The following PPP6C variants were observed in gnomAD, a reference collection of about 807,000 sequenced individuals.
The protein encoded by PPP6C is protein phosphatase 6 catalytic subunit.
PPP6C carries 11 observed loss-of-function variants against 39.8 expected under a neutral mutation model. The ratio of observed to expected loss-of-function variants is 0.28; its 90% confidence interval spans 0.17 to 0.46. The LOEUF (loss-of-function observed/expected upper bound fraction) is 0.46. PPP6C is among the 20% of genes least tolerant of loss of function. PPP6C has a pLI of 1.00. For missense variants in PPP6C, 211 were observed against 373.9 expected (o/e 0.56, Z 3.59); for synonymous variants, 129 against 130.3 (o/e 0.99, Z 0.07).
intron 1 of PPP6C, among the ~76,000 whole-genome samples, chr9:125,185,192 C>T (rs1564159998): frequency 1.3e-5 from 2 of 151,762 alleles, no homozygotes; most frequent in East Asian, 3.9e-4. Flanking sequence ...GATAAAATCA[C>T]ATGAGCTCTT....
chr9:125,185,994 T>C (rs1236978979), intron 1 of PPP6C, among the ~76,000 whole-genome samples: 2 of 152,138 alleles, frequency 1.3e-5, no homozygotes, highest in Middle Eastern at 6.8e-3. Flanking sequence ...CAAAAACAGT[T>C]ATGTAGATTT....
In PPP6C at chr9:125,160,059, G is replaced by A. The variant is rs1416094981; in HGVS notation, c.237+782C>T. On this transcript the variant is annotated intron_variant, in intron 3 of 6. Coordinates refer to ENST00000373547, the MANE Select transcript of PPP6C (RefSeq NM_002721.5). ...GAAAGTGACCCAGAAACTTTCAGAA[G>A]GAAAGAAAATGAGAGAAGGATCCAG... Among the ~76,000 whole-genome samples the A allele has an allele frequency of 2.6e-5, 4 of 151,558 alleles. No homozygotes were observed. In the East Asian group the frequency reaches 7.7e-4, roughly 29 times the overall value.
At chr9:125,184,258 T>G (rs559354054) in intron 1 of PPP6C, among the ~76,000 whole-genome samples, 21 of 152,118 alleles carry the variant, frequency 1.4e-4, no homozygotes, top group Non-Finnish European at 2.1e-4. Context: ...CATGGTGGCA[T>G]GCATCTGTAG....
At chr9:125,181,106 C>T (rs181833818) in intron 1 of PPP6C, among the ~76,000 whole-genome samples, 185 of 152,226 alleles carry the variant, frequency 1.2e-3, no homozygotes, top group South Asian at 1.9e-3. Context: ...CGCTATCACG[C>T]GCACACAAAA....
intron 2 of PPP6C, among the ~76,000 whole-genome samples, chr9:125,170,565 C>CA (rs942354133): frequency 2.0e-5 from 3 of 152,120 alleles, no homozygotes; most frequent in African/African-American, 7.2e-5. Flanking sequence ...AAACACCCAG[C>CA]AGATGAAAAA....
At chr9:125,185,454 G>A (rs893778376) in intron 1 of PPP6C, among the ~76,000 whole-genome samples, 2 of 152,008 alleles carry the variant, frequency 1.3e-5, no homozygotes, top group Non-Finnish European at 2.9e-5. Flanking sequence ...AGCACTTTGG[G>A]AGGCTGAGAA....
Position 125,158,298 on chromosome 9 carries a change from T to C in PPP6C, c.322A>G (p.Thr108Ala). ...ALKAKWPDRITLLRGNHESRQ... is the reference protein window; with the variant it reads ...ALKAKWPDRIALLRGNHESRQ... ...CTCTCATGATTTCCTCGCAAAAGTG[T>C]AATACGATCAGGCCATTTAGCCTTT... The change falls in exon 4 of 7, where the codon ACA becomes GCA. Residue 108 changes from threonine to alanine, a missense_variant. Thr to Ala is a moderately conservative substitution (Grantham distance 58, BLOSUM62 0). Coordinates refer to ENST00000373547, the MANE Select transcript of PPP6C (RefSeq NM_002721.5). 1 of 1,611,788 alleles carries C rather than the reference T, an allele frequency of 6.2e-7. No homozygotes were observed. The highest frequency in any genetic ancestry group is 8.5e-7 in the Non-Finnish European group (1 of 1,177,918).
chr9:125,171,320 C>T (rs1829142129), intron 1 of PPP6C, 140 bp from the exon 2 acceptor site: 4 of 598,510 alleles, frequency 6.7e-6, no homozygotes, highest in Middle Eastern at 4.6e-4. Flanking sequence ...TGTGATAATT[C>T]GGGGGTTGGA....
intron 2 of PPP6C, among the ~76,000 whole-genome samples, chr9:125,170,576 T>C (rs991757302): frequency 3.3e-5 from 5 of 152,262 alleles, no homozygotes; most frequent in East Asian, 1.9e-4. Flanking sequence ...AGATGAAAAA[T>C]TGAGCTAAAT....
intron 4 of PPP6C, 99 bp downstream of exon 4, chr9:125,158,141 GA>G: frequency 8.1e-7 from 1 of 1,230,984 alleles, no homozygotes; most frequent in Non-Finnish European, 1.1e-6. Context: ...AGGATGTGGG[GA>G]AAATAATATA....
At chr9:125,160,743 G>T (rs1225383455) in intron 3 of PPP6C, 98 bp downstream of exon 3, 3 of 827,004 alleles carry the variant, frequency 3.6e-6, no homozygotes, top group Middle Eastern at 3.0e-4. Flanking sequence ...CTGAAATAGG[G>T]ACTGTCACAT....
At chr9:125,171,478 CATATATATATATATATATATATATATAT>C (rs59002869) in intron 1 of PPP6C, among the ~76,000 whole-genome samples, 3 of 83,514 alleles carry the variant, frequency 3.6e-5, no homozygotes, top group Non-Finnish European at 4.3e-5. Context: ...CACACACACA[CATATATATATATATATATATATATATAT>C]ATATATATAT....
intron 2 of PPP6C, among the ~76,000 whole-genome samples, chr9:125,164,218 CTTTTTTTTTTTT>C (rs10684647): frequency 2.7e-5 from 2 of 74,752 alleles, no homozygotes; most frequent in Non-Finnish European, 5.2e-5. Context: ...CCCTCACTCT[CTTTTTTTTTTTT>C]TTTTTTTTTT....
In PPP6C at chr9:125,149,531, A is replaced by T; in HGVS notation, c.*142T>A. The T allele has an allele frequency of 9.9e-7, 1 of 1,014,122 alleles. No homozygotes were observed. Among genetic ancestry groups the T allele is most frequent in the Non-Finnish European group, 1.4e-6 (1 of 715,510 alleles). The allele number at this position is 1,014,122 out of a possible 1,614,324, so 62.8% of individuals were successfully genotyped here. A position where few individuals can be genotyped will look rare whatever the true frequency, so the allele number is the denominator to read the frequency against. ...ACCACAACAAACAATAAATTTAGAT[A>T]ATTTAAAATTTAAAAAAAAAAAGGC... On this transcript the variant is annotated 3_prime_UTR_variant, in exon 7 of 7. Transcript: ENST00000373547.
chr9:125,178,057 A>T (rs1004873480), intron 1 of PPP6C, among the ~76,000 whole-genome samples: 1 of 152,196 alleles, frequency 6.6e-6, no homozygotes, highest in African/African-American at 2.4e-5. Flanking sequence ...CACCTAGTGA[A>T]GGACATCTTG....
chr9:125,187,131 C>T (rs758642050), intron 1 of PPP6C, among the ~76,000 whole-genome samples: 15 of 150,776 alleles, frequency 9.9e-5, no homozygotes, highest in Non-Finnish European at 1.8e-4. Context: ...ATTTTTAGTA[C>T]AGACGGGGTT....
intron 2 of PPP6C, among the ~76,000 whole-genome samples, chr9:125,167,396 A>AAAAAAAAAAAG (rs1355880967): frequency 1.3e-4 from 19 of 143,620 alleles, no homozygotes; most frequent in African/African-American, 4.0e-4. Context: ...AAAAAAAAAA[A>AAAAAAAAAAAG]AAAGAAATAA....
At chr9:125,155,818 T>C (rs904299314) in intron 4 of PPP6C, among the ~76,000 whole-genome samples, 3 of 146,812 alleles carry the variant, frequency 2.0e-5, no homozygotes, top group African/African-American at 7.6e-5. Flanking sequence ...GGCAGGAGAA[T>C]GGCGTGAACC....
At chr9:125,151,911 C>G (rs1235122022) in intron 6 of PPP6C, among the ~76,000 whole-genome samples, 2 of 152,170 alleles carry the variant, frequency 1.3e-5, no homozygotes, top group Non-Finnish European at 2.9e-5. Context: ...TGGAGAAGCT[C>G]AGACTACTCT....
Sources: gnomAD v4.1 joint callset for allele counts (sites outside exome capture counted in the v4.1 genomes callset) on GRCh38, gnomAD v4.1.1 for gene constraint, MANE v1.5 for transcripts, NCBI Gene and HGNC (gene_info 2026-07-23, HGNC 2026-07-21) for gene names.